Variants in THSD7B observed in about 807,000 individuals in gnomAD.
THSD7B encodes thrombospondin type 1 domain containing 7B.
THSD7B carries 138 observed loss-of-function variants against 213.6 expected under a neutral mutation model. That is an observed-to-expected ratio of 0.65 (90% CI 0.56 to 0.74). THSD7B has a LOEUF of 0.74. Among genes scored for constraint, THSD7B ranks in the 30% least tolerant of loss-of-function variants. The pLI is 0.00. For missense variants in THSD7B, 1,931 were observed against 1,991.5 expected (o/e 0.97, Z 0.58); for synonymous variants, 742 against 687.0 (o/e 1.08, Z -1.25).
At chr2:137,327,144 T>C (rs1433024007) in intron 12 of THSD7B, among the ~76,000 whole-genome samples, 1 of 152,212 alleles carries the variant, frequency 6.6e-6, no homozygotes, top group Non-Finnish European at 1.5e-5. Context: ...ATATGCATAT[T>C]GTTCTATTGA....
At chr2:136,964,134 C>T (rs1685276184) in intron 2 of THSD7B, among the ~76,000 whole-genome samples, 1 of 152,184 alleles carries the variant, frequency 6.6e-6, no homozygotes, top group African/African-American at 2.4e-5. Flanking sequence ...TACCACATCT[C>T]CTTAGTAAAT....
At chr2:137,468,836 A>G (rs1470906621) in intron 15 of THSD7B, among the ~76,000 whole-genome samples, 2 of 152,132 alleles carry the variant, frequency 1.3e-5, no homozygotes, top group Non-Finnish European at 2.9e-5. Context: ...AGAGCTAGAA[A>G]CCAGACAGGA....
chr2:136,953,045 T>A (rs1474653317), intron 2 of THSD7B, among the ~76,000 whole-genome samples: 9 of 152,184 alleles, frequency 5.9e-5, no homozygotes, highest in Non-Finnish European at 4.4e-5. Flanking sequence ...GGTAAAAATA[T>A]GTGAAATTAT....
At position 137,353,176 on chromosome 2, in the gene THSD7B, T is replaced by C. The variant is rs191264394; in HGVS notation, c.2501-52437T>C. 1.4e-4 allele frequency among the ~76,000 whole-genome samples: 22 copies of C among 152,140 alleles called. 1 individual carries two copies. The highest frequency in any genetic ancestry group is 6.6e-5 in the Admixed American group (1 of 15,246). The stretch of plus-strand genomic sequence containing the variant: ...GACAGGGAGGCAGTGTTAGAAAAAA[T>C]GTCAGCAGTAAGTGGAGATGTTGAC... On this transcript the variant is annotated intron_variant, in intron 12 of 27. Coordinates refer to ENST00000409968, the MANE Select transcript of THSD7B (RefSeq NM_001316349.2).
At chr2:137,395,601 C>T (rs1686159924) in intron 12 of THSD7B, among the ~76,000 whole-genome samples, 1 of 152,154 alleles carries the variant, frequency 6.6e-6, no homozygotes, top group East Asian at 1.9e-4. Flanking sequence ...CAATGTTCTT[C>T]AAGGATATTG....
intron 16 of THSD7B, among the ~76,000 whole-genome samples, chr2:137,565,340 C>T (rs540806044): frequency 1.3e-5 from 2 of 152,172 alleles, no homozygotes; most frequent in South Asian, 2.1e-4. Context: ...ATTCCAAGGA[C>T]ATGGCAGCAG....
At chr2:137,416,280 C>A (rs762853898) in intron 14 of THSD7B, among the ~76,000 whole-genome samples, 1 of 152,134 alleles carries the variant, frequency 6.6e-6, no homozygotes, top group Non-Finnish European at 1.5e-5. Context: ...GCAGTCTTTC[C>A]TGGTCTCTTT....
intron 2 of THSD7B, among the ~76,000 whole-genome samples, chr2:137,029,879 T>G (rs1232298583): frequency 1.3e-5 from 2 of 152,204 alleles, no homozygotes; most frequent in African/African-American, 4.8e-5. Flanking sequence ...ATTAATTTAT[T>G]ATAACTCTGA....
At chr2:137,512,548 C>G (rs1273071873) in intron 15 of THSD7B, among the ~76,000 whole-genome samples, 1 of 151,790 alleles carries the variant, frequency 6.6e-6, no homozygotes, top group Non-Finnish European at 1.5e-5. Flanking sequence ...CGCACCACCA[C>G]TCTCAGCTAA....
chr2:137,078,225 G>A (rs1346701957), intron 3 of THSD7B, among the ~76,000 whole-genome samples: 3 of 152,146 alleles, frequency 2.0e-5, no homozygotes, highest in Admixed American at 1.3e-4. Flanking sequence ...TTTGCTTACT[G>A]TAGCCTTGTA....
chr2:136,866,549 A>G (rs778184), intron 1 of THSD7B, among the ~76,000 whole-genome samples: 61,295 of 152,184 alleles, frequency 0.4, 13,024 homozygotes, highest in Middle Eastern at 0.65. Flanking sequence ...TGAAGAAACT[A>G]TAGGGCATCT....
At chr2:137,287,396 G>T (rs1199808919) in intron 12 of THSD7B, among the ~76,000 whole-genome samples, 2 of 152,068 alleles carry the variant, frequency 1.3e-5, no homozygotes, top group Non-Finnish European at 2.9e-5. Context: ...AGAGTAAAGC[G>T]TTGGATTCAG....
intron 1 of THSD7B, among the ~76,000 whole-genome samples, chr2:136,836,001 C>T (rs920432473): frequency 6.6e-6 from 1 of 152,034 alleles, no homozygotes; most frequent in Non-Finnish European, 1.5e-5. Context: ...TCTTTGTTTC[C>T]GAAAACAGCA....
At chr2:137,660,717 A>G (rs2104821127) in intron 25 of THSD7B, among the ~76,000 whole-genome samples, 1 of 152,334 alleles carries the variant, frequency 6.6e-6, no homozygotes. Context: ...AAAAATAGAG[A>G]TGCATCTTGA....
intron 15 of THSD7B, among the ~76,000 whole-genome samples, chr2:137,451,472 C>T (rs908496573): frequency 6.6e-6 from 1 of 151,964 alleles, no homozygotes; most frequent in African/African-American, 2.4e-5. Flanking sequence ...TTTCACCTAA[C>T]ACTTTATCCT....
chr2:137,596,970 A>G (rs540463163), intron 17 of THSD7B, among the ~76,000 whole-genome samples: 1 of 152,110 alleles, frequency 6.6e-6, no homozygotes, highest in Non-Finnish European at 1.5e-5. Context: ...GGATACAACC[A>G]CATGTGGTGA....
intron 15 of THSD7B, among the ~76,000 whole-genome samples, chr2:137,534,428 A>ATT (rs201696545): frequency 6.6e-6 from 1 of 151,448 alleles, no homozygotes; most frequent in Non-Finnish European, 1.5e-5. Context: ...GAATATATAT[A>ATT]TTTTTTTCCA....
intron 1 of THSD7B, among the ~76,000 whole-genome samples, chr2:136,881,340 G>A (rs1683619361): frequency 6.6e-6 from 1 of 152,092 alleles, no homozygotes; most frequent in African/African-American, 2.4e-5. Flanking sequence ...AGAAGGGAGG[G>A]AATATACAAG....
At position 136,990,908 on chromosome 2, in the gene THSD7B, A is replaced by G. The variant is rs779583117; in HGVS notation, c.140-65512A>G. 3.0e-6 allele frequency: 4 copies of G among 1,349,726 alleles called. No homozygotes were observed. In the South Asian group the frequency reaches 4.7e-5, roughly 16 times the overall value. The allele number at this position is 1,349,726 out of a possible 1,614,324, so 83.6% of individuals were successfully genotyped here. A position where few individuals can be genotyped will look rare whatever the true frequency, so the allele number is the denominator to read the frequency against. The stretch of plus-strand genomic sequence containing the variant: ...GGCGAAACGATGCATAACACAGCAG[A>G]TGAGGTGGTTTTGTATCACAAATTA... On this transcript the variant is annotated intron_variant, in intron 2 of 27. Coordinates refer to ENST00000409968, the MANE Select transcript of THSD7B (RefSeq NM_001316349.2).
Sources: allele counts gnomAD v4.1 joint callset (sites outside exome capture counted in the v4.1 genomes callset), GRCh38; gene constraint gnomAD v4.1.1; transcripts MANE v1.5; gene names NCBI Gene and HGNC (gene_info 2026-07-23, HGNC 2026-07-21).